PIP4K2C: variants seen among roughly 807,000 people sequenced by gnomAD.
The protein encoded by PIP4K2C is phosphatidylinositol-5-phosphate 4-kinase type 2 gamma.
In PIP4K2C, 21 loss-of-function variants were observed where a neutral mutation model predicts 45.0. The ratio of observed to expected loss-of-function variants is 0.47; its 90% CI spans 0.33 to 0.67. PIP4K2C has a LOEUF of 0.67. Among genes scored for constraint, PIP4K2C ranks in the 30% least tolerant of loss-of-function variants. The pLI, the probability that PIP4K2C is intolerant of heterozygous loss-of-function variation, is 0.02. For synonymous variants in PIP4K2C, 201 were observed against 204.8 expected (o/e 0.98, Z 0.16); for missense variants, 456 against 542.8 (o/e 0.84, Z 1.59).
At position 57,598,587 on chromosome 12, in the gene PIP4K2C, G is replaced by T. The variant is rs77946196; in HGVS notation, c.514-478G>T. 5.1e-3 allele frequency among the ~76,000 whole-genome samples: 724 copies of T among 140,642 alleles called. 11 individuals are homozygous for T. The highest frequency in any genetic ancestry group is 0.018 in the African/African-American group (678 of 38,328). The allele number at this position is 140,642 out of a possible 152,430, so 92.3% of individuals were successfully genotyped here. A position where few individuals can be genotyped will look rare whatever the true frequency, so the allele number is the denominator to read the frequency against. On this transcript the variant is annotated intron_variant, in intron 4 of 9. Transcript: ENST00000354947. ...CATGCAGACTTTTTTTTTTTTTTAG[G>T]TATAAAAATCTGTATTTATATTACA...
chr12:57,600,919 G>C lies in PIP4K2C; in HGVS notation c.922G>C (p.Glu308Gln). The C allele has an allele frequency of 6.2e-7, 1 of 1,614,226 alleles. No homozygotes were observed. Among genetic ancestry groups the C allele is most frequent in the Non-Finnish European group, 8.5e-7 (1 of 1,180,040 alleles). ...AGCGCCCGTGCGGGAGGATGAGTCA[G>C]AGGTGGATGGGGACTGCAGCCTGAC... ...EEAPVREDESEVDGDCSLTGP... is the reference protein window; with the variant it reads ...EEAPVREDESQVDGDCSLTGP... Residue 308 changes from glutamate (E) to glutamine (Q), a missense_variant, in exon 8 of 10, where the codon GAG (glutamate) becomes CAG (glutamine). Glu to Gln is a conservative substitution (Grantham distance 29, BLOSUM62 2). Coordinates refer to ENST00000354947, the MANE Select transcript of PIP4K2C (RefSeq NM_024779.5).
chr12:57,593,277 A>T lies in PIP4K2C; in HGVS notation c.175-748A>T, dbSNP rs575304241. 5.3e-4 allele frequency among the ~76,000 whole-genome samples: 80 copies of T among 152,260 alleles called. No homozygotes were observed. The Middle Eastern group carries it at 0.01, about 19-fold the overall frequency. On this transcript the variant is annotated intron_variant, in intron 1 of 9. Transcript: ENST00000354947. ...AAAGCACGGCTCAGGATTTTTAAGT[A>T]CTAGAGCTCCCTTTCTACCCTGAAT...
intron 2 of PIP4K2C, 86 bp downstream of exon 2, chr12:57,594,208 T>G: frequency 9.4e-7 from 1 of 1,065,182 alleles, no homozygotes; most frequent in Non-Finnish European, 1.4e-6. Context: ...AGTTGAAAAT[T>G]TAACATCCTT....
intron 4 of PIP4K2C, 95 bp downstream of exon 4, chr12:57,596,126 T>C (rs1801724340): frequency 7.2e-7 from 1 of 1,398,098 alleles, no homozygotes; most frequent in East Asian, 2.3e-5. Context: ...GGGAGAAAAC[T>C]CATTGGAAGA....
chr12:57,595,763 G>T, intron 3 of PIP4K2C, 125 bp from the exon 4 acceptor site: 2 of 1,007,746 alleles, frequency 2.0e-6, no homozygotes, highest in Non-Finnish European at 3.0e-6. Context: ...ATGGACACCT[G>T]ATGAGGAACT....
intron 1 of PIP4K2C, among the ~76,000 whole-genome samples, chr12:57,592,010 G>A (rs547645375): frequency 6.6e-6 from 1 of 152,288 alleles, no homozygotes; most frequent in African/African-American, 2.4e-5. Flanking sequence ...CCCTTCCAGA[G>A]GTACAGCATT....
rs189471886 is a variant in PIP4K2C, at chr12:57,602,725, A to T, written c.*1119A>T. 6.5e-6 allele frequency: 1 copy of T among 152,758 alleles called. No homozygotes were observed. The highest frequency in any genetic ancestry group is 1.9e-4 in the East Asian group (1 of 5,182). 9.5% of individuals were successfully genotyped at this position (152,758 alleles called of 1,614,324 possible). A position where few individuals can be genotyped will look rare whatever the true frequency, so the allele number is the denominator to read the frequency against. ...CTCTTCTGTCCTGTCTTATACTGCA[A>T]CTGTGTCTCCTAGGGGACAGATGGC... On this transcript the variant is annotated 3_prime_UTR_variant, in exon 10 of 10. Coordinates refer to ENST00000354947, the MANE Select transcript of PIP4K2C (RefSeq NM_024779.5).
chr12:57,601,749 C>T lies in PIP4K2C; in HGVS notation c.*143C>T, dbSNP rs987880933. On this transcript the variant is annotated 3_prime_UTR_variant, in exon 10 of 10. Coordinates refer to ENST00000354947, the MANE Select transcript of PIP4K2C (RefSeq NM_024779.5). ...CTCCTTCCATCCAGATAACTCCATCCTGTCGAGTAGGCTCTTTCTGACCCT... is the reference window on the plus strand; with the variant it reads ...CTCCTTCCATCCAGATAACTCCATCTTGTCGAGTAGGCTCTTTCTGACCCT... 4 of 713,884 alleles carry T rather than the reference C, an allele frequency of 5.6e-6. No homozygotes were observed. The East Asian group carries it at 1.0e-4, about 18-fold the overall frequency. The allele number at this position is 713,884 out of a possible 1,614,324, so 44.2% of individuals were successfully genotyped here.
At chr12:57,600,291 A>G (rs769858243) in intron 6 of PIP4K2C, 33 bp from the exon 7 acceptor site, 3 of 1,406,568 alleles carry the variant, frequency 2.1e-6, no homozygotes, top group South Asian at 1.2e-5. Flanking sequence ...GGGAAGGGAT[A>G]TGTTCCCAAG....
chr12:57,591,475 C>T lies in PIP4K2C; in HGVS notation c.174+12C>T, dbSNP rs147528846. On this transcript the variant is annotated intron_variant, in intron 1 of 9. Coordinates refer to ENST00000354947, the MANE Select transcript of PIP4K2C (RefSeq NM_024779.5). ...GCGTAGCCCACTCGGTGAGAACCAG[C>T]CCTAGACCCCCGCAGCCCTGTCCAA... The T allele has an allele frequency of 6.2e-7, 1 of 1,603,364 alleles. No homozygotes were observed. Among genetic ancestry groups the T allele is most frequent in the African/African-American group, 1.3e-5 (1 of 74,198 alleles).
At chr12:57,593,687 T>G (rs1406465048) in intron 1 of PIP4K2C, among the ~76,000 whole-genome samples, 3 of 81,486 alleles carry the variant, frequency 3.7e-5, no homozygotes, top group Admixed American at 1.3e-4. Context: ...TTTTTTTTTT[T>G]TTTTTTTTTT....
In PIP4K2C at chr12:57,599,416, G is replaced by A; in HGVS notation, c.677G>A (p.Arg226Gln). ...TTTCTGCAGGGTTCCCTAGTGTCCC[G>A]GGAAGCCAGCGATAAGGAAAAGGTG... Reference protein sequence around the residue: ...KYDLKGSLVSREASDKEKVKE... With the variant: ...KYDLKGSLVSQEASDKEKVKE... The change falls in exon 6 of 10, where the codon CGG becomes CAG. Residue 226 changes from arginine to glutamine, a missense_variant. This residue lies in a region of PIP4K2C where 421 missense variants were observed against 473.1 expected (regional missense o/e 0.89). Coordinates refer to ENST00000354947, the MANE Select transcript of PIP4K2C (RefSeq NM_024779.5). The A allele has an allele frequency of 1.9e-6, 3 of 1,614,132 alleles. No individual in the cohort carries two copies. The highest frequency in any genetic ancestry group is 2.5e-6 in the Non-Finnish European group (3 of 1,180,026).
intron 1 of PIP4K2C, among the ~76,000 whole-genome samples, chr12:57,593,017 CTG>C (rs1883028893): frequency 6.6e-6 from 1 of 150,806 alleles, no homozygotes; most frequent in Non-Finnish European, 1.5e-5. Context: ...TTCATAGCCT[CTG>C]TGGAATGATC....
intron 4 of PIP4K2C, chr12:57,598,115 T>TC (rs910529741): frequency 1.9e-4 from 29 of 152,172 alleles, no homozygotes; most frequent in African/African-American, 6.8e-4. Context: ...CTCACTGTGT[T>TC]CCCCGGGCTG....
At chr12:57,599,510 A>T (rs187610624) in intron 6 of PIP4K2C, 72 bp downstream of exon 6, 2 of 1,510,692 alleles carry the variant, frequency 1.3e-6, no homozygotes, top group East Asian at 2.3e-5. Context: ...ACTTCTTAGG[A>T]TGGAGAGGCC....
rs34140057 is a variant in PIP4K2C at position 57,602,955 on chromosome 12, CT to C, written c.*1362del. Reference sequence around the variant, plus strand: ...TCCTCCATCCCCCTTGAGGCTTCCACTTTTTTTTTTTTTAGACATAAAGCTG... The same window carrying C: ...TCCTCCATCCCCCTTGAGGCTTCCACTTTTTTTTTTTTAGACATAAAGCTG... On this transcript the variant is annotated 3_prime_UTR_variant, in exon 10 of 10. Transcript: ENST00000354947. 242 of 146,136 alleles carry C rather than the reference CT, an allele frequency of 1.7e-3. No individual in the cohort carries two copies. Among genetic ancestry groups the C allele is most frequent in the Middle Eastern group, 7.2e-3 (2 of 278 alleles). The allele number at this position is 146,136 out of a possible 1,614,324, so 9.1% of individuals were successfully genotyped here.
At chr12:57,599,467 G>GGGATGAGGGATGAGGGAGGGC (rs1382603773) in intron 6 of PIP4K2C, 29 bp downstream of exon 6, 3 of 1,612,676 alleles carry the variant, frequency 1.9e-6, no homozygotes, top group East Asian at 4.5e-5. Flanking sequence ...GCTAGGGTGA[G>GGGATGAGGGATGAGGGAGGGC]GGATGAGGGA....
In PIP4K2C at chr12:57,599,453, A is replaced by G; in HGVS notation, c.699+15A>G. ...ATAAGGAAAAGGTGATAGTAATTTT[A>G]TGTGCTAGGGTGAGGGATGAGGGAT... On this transcript the variant is annotated intron_variant, in intron 6 of 9. Coordinates refer to ENST00000354947, the MANE Select transcript of PIP4K2C (RefSeq NM_024779.5). 6.2e-7 allele frequency: 1 copy of G among 1,614,048 alleles called. No homozygotes were observed. The highest frequency in any genetic ancestry group is 8.5e-7 in the Non-Finnish European group (1 of 1,179,972).
intron 6 of PIP4K2C, among the ~76,000 whole-genome samples, chr12:57,599,917 G>A (rs868594195): frequency 6.6e-6 from 1 of 152,058 alleles, no homozygotes; most frequent in Admixed American, 6.6e-5. Context: ...GGTGGCACGC[G>A]CCTGTAGTCC....
Sources: gnomAD v4.1 joint callset for allele counts (sites outside exome capture counted in the v4.1 genomes callset) on GRCh38, gnomAD v4.1.1 for gene constraint, gnomAD v4.1.1 regional missense constraint, MANE v1.5 for transcripts, NCBI Gene and HGNC (gene_info 2026-07-23, HGNC 2026-07-21) for gene names.